Variants in CCDC33 observed in about 807,000 individuals in gnomAD.
CCDC33 encodes coiled-coil domain-containing protein 33.
CCDC33 carries 94 observed loss-of-function variants against 91.9 expected under a neutral mutation model. The observed-to-expected ratio is 1.02, with a 90% CI of 0.87 to 1.21. The LOEUF (loss-of-function observed/expected upper bound fraction) is 1.21. Among genes scored for constraint, CCDC33 ranks in the 50% most tolerant of loss-of-function variants. CCDC33 has a pLI of 0.00. For synonymous variants in CCDC33, 396 were observed against 374.5 expected (o/e 1.06, Z -0.66); for missense variants, 940 against 935.5 (o/e 1.00, Z -0.06).
Position 74,330,196 on chromosome 15 carries a change from A to C in CCDC33, c.1298A>C (p.Asn433Thr). The C allele has an allele frequency of 6.2e-7, 1 of 1,604,880 alleles. No individual in the cohort carries two copies. The highest frequency in any genetic ancestry group is 2.2e-5 in the East Asian group (1 of 44,614). Residue 433 changes from asparagine (N) to threonine (T), a missense_variant, in exon 12 of 19, where the codon AAC (asparagine) becomes ACC (threonine). Physicochemically the swap from Asn to Thr is moderately conservative, Grantham distance 65 (BLOSUM62 0). Transcript: ENST00000398814. ...GGGCTCTGGGATCCACAGGAGATGA[A>C]CAACTACCGGCGGGCCATGCAGAAG... The part of the protein sequence containing the change: ...VPEMSHDTEM[N>T]NYRRAMQKMA...
intron 11 of CCDC33, 140 bp from the exon 12 acceptor site, chr15:74,330,049 T>C: frequency 1.1e-6 from 1 of 934,272 alleles, no homozygotes; most frequent in South Asian, 2.1e-5. Context: ...AGGGAGCTGC[T>C]AAGACTTAGG....
At chr15:74,295,071 T>C (rs1464409532) in intron 10 of CCDC33, among the ~76,000 whole-genome samples, 1 of 152,088 alleles carries the variant, frequency 6.6e-6, no homozygotes, top group African/African-American at 2.4e-5. Context: ...GGAGATGAAA[T>C]GGAAAATAGG....
At chr15:74,310,048 G>C (rs562083908) in intron 11 of CCDC33, among the ~76,000 whole-genome samples, 3 of 152,290 alleles carry the variant, frequency 2.0e-5, no homozygotes, top group African/African-American at 7.2e-5. Flanking sequence ...CTACTTGGGA[G>C]ACTGAGGTGG....
Position 74,295,844 on chromosome 15 carries a change from G to C in CCDC33, c.1186G>C (p.Glu396Gln). Residue 396 changes from glutamate to glutamine, a missense_variant, in exon 11 of 19, where the codon GAG (glutamate) becomes CAG (glutamine). By Grantham distance (29) the Glu-to-Gln change is conservative. Transcript: ENST00000398814. The stretch of plus-strand genomic sequence containing the variant: ...GGATAAGAAGCTGAGAACCATCCAA[G>C]AGTCCTGGTCCAAGGACACAGTGAG... ...ILDKKLRTIQ[E>Q]SWSKDTVSST... 6.2e-7 allele frequency: 1 copy of C among 1,614,162 alleles called. No individual in the cohort carries two copies. The highest frequency in any genetic ancestry group is 8.5e-7 in the Non-Finnish European group (1 of 1,180,034).
chr15:74,330,890 G>A (rs968152258), intron 13 of CCDC33, 91 bp from the exon 14 acceptor site: 2 of 1,522,366 alleles, frequency 1.3e-6, no homozygotes, highest in Non-Finnish European at 1.8e-6. Flanking sequence ...CCTGGTGGAG[G>A]ATTCAGCAGA....
chr15:74,218,556 G>A lies in CCDC33; in HGVS notation c.370G>A (p.Asp124Asn). 1 of 1,289,770 alleles carries A rather than the reference G, an allele frequency of 7.8e-7. No individual in the cohort carries two copies. The highest frequency in any genetic ancestry group is 1.2e-5 in the South Asian group (1 of 81,016). The allele number at this position is 1,289,770 out of a possible 1,614,324, so 79.9% of individuals were successfully genotyped here. The stretch of plus-strand genomic sequence containing the variant: ...GCTGCATGTGGAGGCACTGAGGCTG[G>A]ACGAACCCTTGGGACGGGCAGCCCA... Residue 124 changes from aspartate to asparagine, a missense_variant, in exon 2 of 3, where the codon GAC (aspartate) becomes AAC (asparagine). Transcript: ENST00000635913. The surrounding 1 kb of genome is among the most constrained non-coding windows in gnomAD (Gnocchi z 4.8).
chr15:74,224,960 G>C (rs948270083), intron 2 of CCDC33, among the ~76,000 whole-genome samples: 1 of 152,140 alleles, frequency 6.6e-6, no homozygotes, highest in Non-Finnish European at 1.5e-5. Context: ...CAGGTTGCAG[G>C]GTGGAGAAGG....
At chr15:74,219,940 G>C (rs1677093998) in intron 2 of CCDC33, among the ~76,000 whole-genome samples, 1 of 152,166 alleles carries the variant, frequency 6.6e-6, no homozygotes. Context: ...TGGCCCATCT[G>C]CGGTGCTTCT....
At chr15:74,234,982 TC>T (rs2075101732), upstream of CCDC33, among the ~76,000 whole-genome samples, 1 of 152,206 alleles carries the variant, frequency 6.6e-6, no homozygotes, top group Non-Finnish European at 1.5e-5. Flanking sequence ...TGCCCTAGCC[TC>T]CTAGACTAAG....
At chr15:74,271,311 G>A (rs1307160251) in intron 5 of CCDC33, among the ~76,000 whole-genome samples, 2 of 152,122 alleles carry the variant, frequency 1.3e-5, no homozygotes, top group Non-Finnish European at 2.9e-5. Context: ...CAGAAACCAA[G>A]GAGCTGGAAC....
At chr15:74,230,680 C>T (rs1372926881) in intron 2 of CCDC33, among the ~76,000 whole-genome samples, 1 of 152,190 alleles carries the variant, frequency 6.6e-6, no homozygotes, top group Non-Finnish European at 1.5e-5. Flanking sequence ...AAGCTTGGGC[C>T]AGAGGTGCTC....
chr15:74,263,374 AGGT>A (rs2142379697), intron 3 of CCDC33, among the ~76,000 whole-genome samples: 1 of 152,310 alleles, frequency 6.6e-6, no homozygotes, highest in Non-Finnish European at 1.5e-5. Context: ...TGCTTCTTGC[AGGT>A]GGTCTCTCCC....
At chr15:74,205,125 G>A (rs541481522) in intron 1 of CCDC33, among the ~76,000 whole-genome samples, 3 of 152,244 alleles carry the variant, frequency 2.0e-5, no homozygotes, top group South Asian at 2.1e-4. Flanking sequence ...GAAGAGAGAC[G>A]GGAGTTGGCT....
intron 11 of CCDC33, among the ~76,000 whole-genome samples, chr15:74,310,771 G>T (rs989248002): frequency 6.6e-6 from 1 of 152,190 alleles, no homozygotes; most frequent in African/African-American, 2.4e-5. Flanking sequence ...TCCCATGGGG[G>T]ACTCTCAGGG....
upstream of CCDC33, among the ~76,000 whole-genome samples, chr15:74,234,689 A>C (rs934510977): frequency 2.0e-5 from 3 of 152,190 alleles, no homozygotes; most frequent in African/African-American, 7.2e-5. Flanking sequence ...GGAAGATGGC[A>C]GGGGCGTGGC....
At chr15:74,267,899 T>C (rs758094935) in intron 4 of CCDC33, among the ~76,000 whole-genome samples, 5 of 152,188 alleles carry the variant, frequency 3.3e-5, no homozygotes, top group Non-Finnish European at 7.3e-5. Flanking sequence ...TCTTCAATCA[T>C]GGCACCAGGG....
intron 2 of CCDC33, among the ~76,000 whole-genome samples, chr15:74,253,048 C>T (rs1324089106): frequency 6.6e-6 from 1 of 152,196 alleles, no homozygotes; most frequent in Non-Finnish European, 1.5e-5. Context: ...GCCTGAAACC[C>T]CCATTCAGAC....
At chr15:74,217,331 G>A in exon 1 of CCDC33, 1 of 1,289,868 alleles carries the variant, frequency 7.8e-7, no homozygotes, top group Non-Finnish European at 1.0e-6. Flanking sequence ...AGAGGCTGAA[G>A]GCCGAGGAGA....
In CCDC33 at chr15:74,245,279, C is replaced by A. The variant is rs191893320; in HGVS notation, c.185+1131C>A. The stretch of plus-strand genomic sequence containing the variant: ...CCAACACCTGGTTACTATGATAAGT[C>A]CCTGCCCCCCCAGGGCCCCCACTGT... On this transcript the variant is annotated intron_variant, in intron 2 of 18. Transcript: ENST00000398814. 2.0e-4 allele frequency among the ~76,000 whole-genome samples: 31 copies of A among 152,320 alleles called. No individual in the cohort carries two copies. In the East Asian group the frequency reaches 5.6e-3, roughly 28 times the overall value.
Sources: allele counts gnomAD v4.1 joint callset (sites outside exome capture counted in the v4.1 genomes callset), GRCh38; gene constraint gnomAD v4.1.1; non-coding constraint Gnocchi (gnomAD v3.1); transcripts MANE v1.5; gene names NCBI Gene and HGNC (gene_info 2026-07-23, HGNC 2026-07-21).